CCDC178: variants seen among roughly 807,000 people sequenced by gnomAD.
CCDC178 encodes the protein coiled-coil domain-containing protein 178.
A neutral mutation model predicts 117.4 loss-of-function variants in CCDC178; 126 were observed. The ratio of observed to expected loss-of-function variants is 1.07; its 90% CI spans 0.93 to 1.24. The LOEUF is 1.24. Ranked by LOEUF, CCDC178 falls within the 50% of genes most tolerant of loss-of-function variation. CCDC178 has a pLI of 0.00. For synonymous variants in CCDC178, 283 were observed against 313.4 expected, an observed-to-expected ratio of 0.90 and a Z score of 1.02; for missense variants, 1,030 against 986.9, an observed-to-expected ratio of 1.04 and a Z score of -0.59.
chr18:33,408,095 G>C (rs2063805524), intron 3 of CCDC178, among the ~76,000 whole-genome samples: 1 of 151,586 alleles, frequency 6.6e-6, no homozygotes, highest in African/African-American at 2.4e-5. Context: ...TTATTTAAAA[G>C]TTGTAAATCC....
intron 2 of CCDC178, among the ~76,000 whole-genome samples, chr18:33,430,005 T>C: frequency 6.6e-6 from 1 of 152,302 alleles, no homozygotes; most frequent in Middle Eastern, 3.4e-3. Context: ...ATTTAGATAA[T>C]AATGTGACAT....
intron 5 of CCDC178, among the ~76,000 whole-genome samples, chr18:33,387,246 T>C (rs538562006): frequency 1.4e-4 from 22 of 152,240 alleles, no homozygotes; most frequent in African/African-American, 5.1e-4. Context: ...TGCTCATGGA[T>C]AGGAAGAATC....
intron 17 of CCDC178, among the ~76,000 whole-genome samples, chr18:33,223,938 G>A (rs1341779118): frequency 6.6e-6 from 1 of 152,036 alleles, no homozygotes; most frequent in African/African-American, 2.4e-5. Flanking sequence ...CCTTATACAC[G>A]TTGCTCAGGC....
chr18:33,187,361 C>A (rs1192785825), intron 20 of CCDC178, among the ~76,000 whole-genome samples: 2 of 152,044 alleles, frequency 1.3e-5, no homozygotes, highest in African/African-American at 4.8e-5. Flanking sequence ...TCATCTGTAG[C>A]CTCTTTTTGC....
chr18:33,339,895 T>C (rs2062793499), intron 9 of CCDC178, among the ~76,000 whole-genome samples: 1 of 152,118 alleles, frequency 6.6e-6, no homozygotes, highest in Non-Finnish European at 1.5e-5. Context: ...GGTATGTCTT[T>C]ATCAGCAGTG....
chr18:33,014,732 C>G (rs931050594), intron 21 of CCDC178, among the ~76,000 whole-genome samples: 13 of 152,114 alleles, frequency 8.5e-5, no homozygotes, highest in African/African-American at 3.1e-4. Flanking sequence ...AATTACTAGT[C>G]TGTTTGGGGA....
rs759292965 is a variant in CCDC178 at position 33,220,421 on chromosome 18, A to G, written c.1932+2685T>C. Among the ~76,000 whole-genome samples the G allele has an allele frequency of 1.0e-3, 156 of 152,164 alleles. 2 individuals are homozygous for G. Among genetic ancestry groups the G allele is most frequent in the Non-Finnish European group, 1.3e-3 (89 of 67,996 alleles). On this transcript the variant is annotated intron_variant, in intron 18 of 22. Transcript: ENST00000383096. ...TTAAACACTAGATTTCTCTGACTCC[A>G]AAGCCTTTACTATTTTCTCTATACC...
chr18:33,408,061 A>C (rs947810545), intron 3 of CCDC178, among the ~76,000 whole-genome samples: 1 of 151,966 alleles, frequency 6.6e-6, no homozygotes, highest in African/African-American at 2.4e-5. Context: ...AAATTTAAAA[A>C]GTTGTTTGTC....
At chr18:33,030,440 T>C (rs956186024) in intron 21 of CCDC178, among the ~76,000 whole-genome samples, 1 of 152,090 alleles carries the variant, frequency 6.6e-6, no homozygotes, top group African/African-American at 2.4e-5. Context: ...ATTAGATTGT[T>C]TAATCCATTC....
At chr18:33,100,088 A>G (rs2057602096) in intron 20 of CCDC178, among the ~76,000 whole-genome samples, 1 of 151,896 alleles carries the variant, frequency 6.6e-6, no homozygotes. Flanking sequence ...CTGTTTGATG[A>G]AAGCCTGTGA....
intron 22 of CCDC178, among the ~76,000 whole-genome samples, chr18:32,940,536 C>T (rs1311380300): frequency 6.6e-6 from 1 of 151,734 alleles, no homozygotes; most frequent in African/African-American, 2.4e-5. Context: ...GGTACATGTG[C>T]AGGTTTGTTA....
chr18:33,394,958 TATATATATATATATATA>T (rs2063614600), intron 4 of CCDC178, among the ~76,000 whole-genome samples: 1 of 128,872 alleles, frequency 7.8e-6, no homozygotes, highest in Non-Finnish European at 1.7e-5. Flanking sequence ...TATATATATA[TATATATATATATATATA>T]TATATATATA....
intron 6 of CCDC178, among the ~76,000 whole-genome samples, chr18:33,360,656 A>T (rs1162410158): frequency 1.3e-5 from 2 of 151,680 alleles, no homozygotes; most frequent in Non-Finnish European, 3.0e-5. Flanking sequence ...TAAATTCAGC[A>T]GTTGCAAGAT....
chr18:33,340,178 A>G (rs989879968), intron 9 of CCDC178, among the ~76,000 whole-genome samples: 14 of 152,158 alleles, frequency 9.2e-5, no homozygotes, highest in African/African-American at 2.7e-4. Context: ...ACTTGAGCAA[A>G]GGTGACTCTT....
At chr18:33,105,848 T>TGAGAAC in intron 20 of CCDC178, among the ~76,000 whole-genome samples, 1 of 151,704 alleles carries the variant, frequency 6.6e-6, no homozygotes, top group South Asian at 2.1e-4. Flanking sequence ...CTAAGCTGTG[T>TGAGAAC]TCTCACAACT....
intron 21 of CCDC178, among the ~76,000 whole-genome samples, chr18:33,009,889 T>C (rs1259461444): frequency 6.6e-6 from 1 of 152,144 alleles, no homozygotes; most frequent in Non-Finnish European, 1.5e-5. Context: ...GTATACTTTA[T>C]CTCATGATCT....
intron 11 of CCDC178, among the ~76,000 whole-genome samples, chr18:33,319,401 A>G (rs1208742520): frequency 6.6e-6 from 1 of 152,010 alleles, no homozygotes; most frequent in Admixed American, 6.5e-5. Context: ...ATAGTATTCC[A>G]TGGTGTATAT....
At chr18:33,381,870 T>A (rs1290308880) in intron 5 of CCDC178, among the ~76,000 whole-genome samples, 5 of 152,168 alleles carry the variant, frequency 3.3e-5, no homozygotes, top group Non-Finnish European at 7.3e-5. Context: ...TTTAGGATTA[T>A]CCTTCATATA....
chr18:33,269,489 A>T (rs1320051248), intron 12 of CCDC178, among the ~76,000 whole-genome samples: 1 of 151,808 alleles, frequency 6.6e-6, no homozygotes, highest in African/African-American at 2.4e-5. Context: ...AACAACAACA[A>T]TAACAAAAAC....
Sources: gnomAD v4.1 joint callset for allele counts (sites outside exome capture counted in the v4.1 genomes callset) on GRCh38, gnomAD v4.1.1 for gene constraint, MANE v1.5 for transcripts, NCBI Gene and HGNC (gene_info 2026-07-23, HGNC 2026-07-21) for gene names.